The following ARFGEF3 variants were observed in gnomAD, a reference collection of about 807,000 sequenced individuals.
ARFGEF3 encodes the protein brefeldin A-inhibited guanine nucleotide-exchange protein 3.
A neutral mutation model predicts 221.7 loss-of-function variants in ARFGEF3; 96 were observed. The ratio of observed to expected loss-of-function variants is 0.43; its 90% CI spans 0.37 to 0.51. The LOEUF (loss-of-function observed/expected upper bound fraction) is 0.51. ARFGEF3 is among the 20% of genes least tolerant of loss of function. The pLI, the probability that ARFGEF3 is intolerant of heterozygous loss-of-function variation, is 0.00. For missense variants in ARFGEF3, 2,410 were observed against 2,789.9 expected, an observed-to-expected ratio of 0.86 and a Z score of 3.07; for synonymous variants, 1,145 against 1,126.8, an observed-to-expected ratio of 1.02 and a Z score of -0.32.
At chr6:138,213,553 A>C (rs980149903) in intron 4 of ARFGEF3, among the ~76,000 whole-genome samples, 2 of 151,410 alleles carry the variant, frequency 1.3e-5, no homozygotes, top group Admixed American at 6.6e-5. Flanking sequence ...TGAACCCAAA[A>C]GATATTATGT....
At chr6:138,168,291 G>C (rs1206627480) in intron 1 of ARFGEF3, among the ~76,000 whole-genome samples, 1 of 152,198 alleles carries the variant, frequency 6.6e-6, no homozygotes, top group Non-Finnish European at 1.5e-5. Flanking sequence ...GAGGTACTTG[G>C]AATAAAGAGG....
intron 2 of ARFGEF3, 79 bp downstream of exon 2, chr6:138,170,792 T>C (rs962669502): frequency 1.2e-6 from 1 of 824,056 alleles, no homozygotes; most frequent in South Asian, 1.4e-5. Context: ...TGGTTTACAG[T>C]GTGTCTTAGT....
chr6:138,287,091 G>A lies in ARFGEF3; in HGVS notation c.2803G>A (p.Ala935Thr), dbSNP rs768653939. The A allele has an allele frequency of 2.1e-5, 33 of 1,574,202 alleles. No individual in the cohort carries two copies. The highest frequency in any genetic ancestry group is 2.3e-5 in the East Asian group (1 of 42,726). The change falls in exon 17 of 34, where the codon GCC becomes ACC. Residue 935 changes from alanine to threonine, a missense_variant. Ala to Thr is a moderately conservative substitution (Grantham distance 58). Coordinates refer to ENST00000251691, the MANE Select transcript of ARFGEF3 (RefSeq NM_020340.5). ...CTCTGAAGGCGTTGCTGCTAACTGCGCCTCAGCCCTTGCCCAGATGGCAGC... is the reference window on the plus strand; with the variant it reads ...CTCTGAAGGCGTTGCTGCTAACTGCACCTCAGCCCTTGCCCAGATGGCAGC... Reference protein sequence around the residue: ...SCALGVAANCASALAQMAAAS... With the variant: ...SCALGVAANCTSALAQMAAAS...
chr6:138,265,516 C>T (rs1392472609), intron 12 of ARFGEF3, among the ~76,000 whole-genome samples: 1 of 151,998 alleles, frequency 6.6e-6, no homozygotes, highest in Non-Finnish European at 1.5e-5. Flanking sequence ...AATGTATACT[C>T]TTCCTAAAAA....
intron 9 of ARFGEF3, 144 bp from the exon 10 acceptor site, chr6:138,255,292 C>G (rs1778654305): frequency 1.7e-6 from 1 of 577,966 alleles, no homozygotes; most frequent in Non-Finnish European, 3.0e-6. Context: ...GTTAAAGAGA[C>G]TTAGAAAACA....
rs571768592 is a variant in ARFGEF3 at position 138,229,415 on chromosome 6, T to G, written c.352-369T>G. On this transcript the variant is annotated intron_variant, in intron 4 of 33. Coordinates refer to ENST00000251691, the MANE Select transcript of ARFGEF3 (RefSeq NM_020340.5). ...TATTTAGAAGGTCAACCTAGATAAT[T>G]CATGTGAAGTGCCTAGCATTAAGCC... Among the ~76,000 whole-genome samples the G allele has an allele frequency of 4.3e-4, 66 of 152,330 alleles. 2 individuals carry two copies. The South Asian group carries it at 0.013, about 30-fold the overall frequency.
At chr6:138,274,057 C>G (rs187705708) in intron 12 of ARFGEF3, among the ~76,000 whole-genome samples, 69 of 152,304 alleles carry the variant, frequency 4.5e-4, no homozygotes, top group African/African-American at 1.7e-3. Flanking sequence ...CCAGGGCTTC[C>G]TCACTTCTCT....
chr6:138,195,289 C>T (rs920510855), intron 2 of ARFGEF3, among the ~76,000 whole-genome samples: 1 of 151,972 alleles, frequency 6.6e-6, no homozygotes, highest in Non-Finnish European at 1.5e-5. Flanking sequence ...CAGGTGTGAG[C>T]CACCGCACCT....
Position 138,263,214 on chromosome 6 carries a change from C to T in ARFGEF3, c.1731C>T (p.Phe577=), listed in dbSNP as rs1305895649. ...HTVPYPDITN[F]LSVDCRTRSY... is the part of the protein sequence containing the mutation. ...TCCCTTACCCTGACATAACTAACTT[C>T]CTGTCAGTAGACTGCAGGACAAGGT... The change falls in exon 12 of 34, where the codon TTC becomes TTT. Residue 577 remains phenylalanine, a synonymous_variant. Coordinates refer to ENST00000251691, the MANE Select transcript of ARFGEF3 (RefSeq NM_020340.5). 2 of 1,613,888 alleles carry T rather than the reference C, an allele frequency of 1.2e-6. No homozygotes were observed. The highest frequency in any genetic ancestry group is 2.7e-5 in the African/African-American group (2 of 74,932).
At chr6:138,278,364 C>A in intron 12 of ARFGEF3, 87 bp from the exon 13 acceptor site, 1 of 1,222,580 alleles carries the variant, frequency 8.2e-7, no homozygotes. Flanking sequence ...TGCAGTATCT[C>A]TCACGATGGG....
chr6:138,219,660 C>T (rs1777941339), intron 4 of ARFGEF3, among the ~76,000 whole-genome samples: 1 of 152,142 alleles, frequency 6.6e-6, no homozygotes, highest in Admixed American at 6.5e-5. Context: ...AGAGGGAAAG[C>T]CCAAGTTGCC....
chr6:138,170,433 C>T (rs974453716), intron 1 of ARFGEF3, among the ~76,000 whole-genome samples: 1 of 152,096 alleles, frequency 6.6e-6, no homozygotes, highest in African/African-American at 2.4e-5. Flanking sequence ...GGGAAATGTG[C>T]CCTAACTTTT....
chr6:138,196,335 A>C lies in ARFGEF3; in HGVS notation c.138-10707A>C, dbSNP rs529495823. On this transcript the variant is annotated intron_variant, in intron 2 of 33. Transcript: ENST00000251691. Reference sequence around the variant, plus strand: ...ACAAACCTAGATGATACAGTCTACTATACACCTAGGCTGTAGGCCTATTGC... The same window carrying C: ...ACAAACCTAGATGATACAGTCTACTCTACACCTAGGCTGTAGGCCTATTGC... 8.7e-4 allele frequency among the ~76,000 whole-genome samples: 133 copies of C among 152,380 alleles called. No individual in the cohort carries two copies. In the Middle Eastern group the frequency reaches 0.01, roughly 12 times the overall value.
intron 13 of ARFGEF3, among the ~76,000 whole-genome samples, chr6:138,279,293 C>T (rs976772483): frequency 6.6e-6 from 1 of 152,236 alleles, no homozygotes; most frequent in Admixed American, 6.5e-5. Context: ...GTTGGGATTA[C>T]AGGCATGAGC....
chr6:138,211,803 G>C (rs1018627172), intron 4 of ARFGEF3, among the ~76,000 whole-genome samples: 38 of 152,164 alleles, frequency 2.5e-4, no homozygotes, highest in African/African-American at 8.9e-4. Context: ...ACTTGTACTT[G>C]CTTTCTGATT....
At chr6:138,254,043 G>C in intron 9 of ARFGEF3, 59 bp downstream of exon 9, 10 of 1,139,342 alleles carry the variant, frequency 8.8e-6, no homozygotes, top group Non-Finnish European at 1.2e-5. Context: ...GCTGCTGACT[G>C]TGTCTCTGGG....
chr6:138,188,456 T>C lies in ARFGEF3; in HGVS notation c.137+17743T>C, dbSNP rs75713106. Among the ~76,000 whole-genome samples the C allele has an allele frequency of 3.9e-5, 6 of 152,112 alleles. No homozygotes were observed. In the East Asian group the frequency reaches 1.2e-3, roughly 29 times the overall value. On this transcript the variant is annotated intron_variant, in intron 2 of 33. Transcript: ENST00000251691. ...CACTAAGAGAACAATCTGCTACTGTTTTCTGTCTTCAGTGTGTTAAAAAAA... is the reference window on the plus strand; with the variant it reads ...CACTAAGAGAACAATCTGCTACTGTCTTCTGTCTTCAGTGTGTTAAAAAAA...
intron 4 of ARFGEF3, among the ~76,000 whole-genome samples, chr6:138,226,831 C>A (rs1159103420): frequency 1.3e-5 from 2 of 152,136 alleles, no homozygotes; most frequent in African/African-American, 4.8e-5. Context: ...TCAACAATTT[C>A]AATAAGTCAT....
intron 2 of ARFGEF3, 92 bp downstream of exon 2, chr6:138,170,805 G>C: frequency 1.3e-6 from 1 of 757,940 alleles, no homozygotes. Flanking sequence ...GTCTTAGTTT[G>C]TTTTGTGCTG....
Sources: gnomAD v4.1 joint callset for allele counts (sites outside exome capture counted in the v4.1 genomes callset) on GRCh38, gnomAD v4.1.1 for gene constraint, MANE v1.5 for transcripts, NCBI Gene and HGNC (gene_info 2026-07-23, HGNC 2026-07-21) for gene names.